The following RAP1GAP2 variants were observed in gnomAD, a reference collection of about 807,000 sequenced individuals.
RAP1GAP2 encodes RAP1 GTPase activating protein 2, also known as rap1 GTPase-activating protein 2.
RAP1GAP2 carries 27 observed loss-of-function variants against 95.0 expected under a neutral mutation model. The ratio of observed to expected loss-of-function variants is 0.28; its 90% CI spans 0.21 to 0.39. The LOEUF (loss-of-function observed/expected upper bound fraction) is 0.39. Ranked by LOEUF, RAP1GAP2 falls within the 10% of genes least tolerant of loss-of-function variation. The pLI, the probability that RAP1GAP2 is intolerant of heterozygous loss-of-function variation, is 1.00. For missense variants in RAP1GAP2, 771 were observed against 970.0 expected, an observed-to-expected ratio of 0.79 and a Z score of 2.72; for synonymous variants, 373 against 380.9, an observed-to-expected ratio of 0.98 and a Z score of 0.24.
rs146849786 is a variant in RAP1GAP2, at chr17:2,884,803, A to G, written c.81-20481A>G. 2.1e-3 allele frequency among the ~76,000 whole-genome samples: 322 copies of G among 152,256 alleles called. 1 individual carries two copies. The highest frequency in any genetic ancestry group is 7.4e-3 in the African/African-American group (307 of 41,554). On this transcript the variant is annotated intron_variant, in intron 2 of 24. Coordinates refer to ENST00000254695, the MANE Select transcript of RAP1GAP2 (RefSeq NM_015085.5). ...GATGAAAACATCACTCCTTGTCCTG[A>G]TCTTCCTCACGGAACTGTGCTTGGC...
At chr17:2,808,222 T>C (rs2069604208) in intron 2 of RAP1GAP2, among the ~76,000 whole-genome samples, 1 of 152,028 alleles carries the variant, frequency 6.6e-6, no homozygotes, top group Admixed American at 6.6e-5. Context: ...CATAATAGCA[T>C]GGGGCTGGAG....
At chr17:3,006,536 C>G (rs916961400) in intron 16 of RAP1GAP2, among the ~76,000 whole-genome samples, 13 of 149,890 alleles carry the variant, frequency 8.7e-5, no homozygotes, top group Non-Finnish European at 1.8e-4. Context: ...CGGGTTCACA[C>G]CATACTCCTG....
intron 2 of RAP1GAP2, among the ~76,000 whole-genome samples, chr17:2,802,323 T>TTA (rs974509808): frequency 6.6e-6 from 1 of 152,100 alleles, no homozygotes; most frequent in South Asian, 2.1e-4. Flanking sequence ...TTTGGTTGGT[T>TTA]TTGTTCAAAA....
intron 2 of RAP1GAP2, among the ~76,000 whole-genome samples, chr17:2,802,846 G>C (rs1010696335): frequency 3.3e-5 from 5 of 152,192 alleles, no homozygotes; most frequent in African/African-American, 9.7e-5. Flanking sequence ...GGCATGGTGT[G>C]TGCATCAGTG....
At chr17:2,806,964 A>G (rs2010197) in intron 2 of RAP1GAP2, among the ~76,000 whole-genome samples, 63,798 of 149,526 alleles carry the variant, frequency 0.43, 14,001 homozygotes, top group South Asian at 0.53. Context: ...GATTACAGGC[A>G]TGAGCCACTG....
At chr17:2,950,834 C>G (rs555440879) in intron 3 of RAP1GAP2, among the ~76,000 whole-genome samples, 2 of 152,194 alleles carry the variant, frequency 1.3e-5, no homozygotes, top group African/African-American at 4.8e-5. Flanking sequence ...TGGTCTTGAA[C>G]TCCTGACCTC....
In RAP1GAP2 at chr17:2,889,889, A is replaced by ATATTTT. The variant is rs1408426152; in HGVS notation, c.81-15394_81-15393insATTTTT. Among the ~76,000 whole-genome samples, 526 of 57,174 alleles carry ATATTTT rather than the reference A, an allele frequency of 9.2e-3. 5 individuals carry two copies. The highest frequency in any genetic ancestry group is 0.018 in the South Asian group (23 of 1,270). 37.5% of individuals were successfully genotyped at this position (57,174 alleles called of 152,430 possible). ...TATATATATATATATATATATATAT[A>ATATTTT]TTTTTTTTTTTTTTTGTAGAGATGG... is the stretch of plus-strand genomic sequence containing the variant. On this transcript the variant is annotated intron_variant, in intron 2 of 24. Transcript: ENST00000254695.
chr17:2,963,127 A>G lies in RAP1GAP2; in HGVS notation c.247-303A>G. On this transcript the variant is annotated intron_variant, in intron 5 of 24. Transcript: ENST00000254695. This position sits in a 1 kb window ranked among gnomAD's most constrained non-coding sequence, Gnocchi z 4.8. Reference sequence around the variant, plus strand: ...TGCCTGGAAAGGGGTGCTGGGGGAGACTAGGGGTCATTTTCCGGAATGAGC... The same window carrying G: ...TGCCTGGAAAGGGGTGCTGGGGGAGGCTAGGGGTCATTTTCCGGAATGAGC... The G allele has an allele frequency of 1.8e-6, 1 of 552,716 alleles. No individual in the cohort carries two copies. The highest frequency in any genetic ancestry group is 2.2e-5 in the South Asian group (1 of 45,516). The allele number at this position is 552,716 out of a possible 1,614,324, so 34.2% of individuals were successfully genotyped here.
chr17:3,025,717 G>C (rs12601808), intron 19 of RAP1GAP2, among the ~76,000 whole-genome samples: 57,751 of 152,136 alleles, frequency 0.38, 11,219 homozygotes, highest in Middle Eastern at 0.47. Context: ...TGGCCAGCTT[G>C]GGTGAGAGAG....
intron 2 of RAP1GAP2, among the ~76,000 whole-genome samples, chr17:2,826,480 A>G (rs2070571577): frequency 6.6e-6 from 1 of 151,950 alleles, no homozygotes; most frequent in East Asian, 1.9e-4. Flanking sequence ...TGCCGGCGAG[A>G]TGACGGGTGC....
intron 2 of RAP1GAP2, among the ~76,000 whole-genome samples, chr17:2,865,920 C>T (rs991521197): frequency 1.3e-5 from 2 of 152,236 alleles, no homozygotes; most frequent in Non-Finnish European, 2.9e-5. Context: ...TGGATTGTGT[C>T]CCAAACGTTC....
At chr17:2,762,419 A>G (rs1377342619) in intron 1 of RAP1GAP2, among the ~76,000 whole-genome samples, 5 of 132,248 alleles carry the variant, frequency 3.8e-5, no homozygotes, top group African/African-American at 1.2e-4. Context: ...TTTTTTTGAG[A>G]CAGAGTCTTA....
At chr17:2,913,412 C>A (rs2042459301) in intron 3 of RAP1GAP2, among the ~76,000 whole-genome samples, 1 of 152,114 alleles carries the variant, frequency 6.6e-6, no homozygotes, top group South Asian at 2.1e-4. Context: ...CCTCAGCCTC[C>A]CGAGTAGCTG....
chr17:2,949,082 C>T (rs901036397), intron 3 of RAP1GAP2, among the ~76,000 whole-genome samples: 2 of 152,160 alleles, frequency 1.3e-5, no homozygotes, highest in East Asian at 1.9e-4. Flanking sequence ...GTTTCTGTAT[C>T]GGGAGGTGGT....
In RAP1GAP2 at chr17:3,035,066, G is replaced by T. The variant is rs766922538; in HGVS notation, c.*1705G>T. On this transcript the variant is annotated 3_prime_UTR_variant, in exon 25 of 25. Coordinates refer to ENST00000254695, the MANE Select transcript of RAP1GAP2 (RefSeq NM_015085.5). The surrounding 1 kb of genome is among the most constrained non-coding windows in gnomAD (Gnocchi z 4.3). ...CATTGTGATCTTTCTTCCCCGCCACGTGTGTGGGAATGATTGAGTCCTGTT... is the reference window on the plus strand; with the variant it reads ...CATTGTGATCTTTCTTCCCCGCCACTTGTGTGGGAATGATTGAGTCCTGTT... 6.6e-6 allele frequency: 1 copy of T among 150,936 alleles called. No individual in the cohort carries two copies. Among genetic ancestry groups the T allele is most frequent in the African/African-American group, 2.5e-5 (1 of 40,642 alleles). The allele number at this position is 150,936 out of a possible 1,614,324, so 9.3% of individuals were successfully genotyped here.
At chr17:2,919,410 G>A (rs1346211414) in intron 3 of RAP1GAP2, among the ~76,000 whole-genome samples, 2 of 152,188 alleles carry the variant, frequency 1.3e-5, no homozygotes, top group Non-Finnish European at 1.5e-5. Context: ...GGCTGGGAGC[G>A]TCCCAAGGCT....
intron 2 of RAP1GAP2, among the ~76,000 whole-genome samples, chr17:2,811,805 C>T (rs2069778248): frequency 6.6e-6 from 1 of 152,148 alleles, no homozygotes; most frequent in South Asian, 2.1e-4. Context: ...TCCCGAACTC[C>T]TGACCTCAGG....
At chr17:2,935,711 C>T (rs1034665812) in intron 3 of RAP1GAP2, among the ~76,000 whole-genome samples, 2 of 152,156 alleles carry the variant, frequency 1.3e-5, no homozygotes, top group Admixed American at 6.5e-5. Context: ...ATTTGATCTT[C>T]GGAAGTGCCG....
intron 2 of RAP1GAP2, among the ~76,000 whole-genome samples, chr17:2,874,265 A>G (rs1375379405): frequency 6.6e-6 from 1 of 152,144 alleles, no homozygotes; most frequent in African/African-American, 2.4e-5. Context: ...CCCTCTGCCA[A>G]CTGGACATTT....
Sources: gnomAD v4.1 joint callset for allele counts (sites outside exome capture counted in the v4.1 genomes callset) on GRCh38, gnomAD v4.1.1 for gene constraint, Gnocchi (gnomAD v3.1) non-coding constraint, MANE v1.5 for transcripts, NCBI Gene and HGNC (gene_info 2026-07-23, HGNC 2026-07-21) for gene names.